Variants in TNRC18 observed in about 807,000 individuals in gnomAD.
TNRC18 encodes the protein trinucleotide repeat-containing gene 18 protein.
In TNRC18, 69 loss-of-function variants were observed where a neutral mutation model predicts 226.7. That is an observed-to-expected ratio of 0.30 (90% confidence interval 0.25 to 0.37). The LOEUF (loss-of-function observed/expected upper bound fraction) is 0.37. Among genes scored for constraint, TNRC18 ranks in the 10% least tolerant of loss-of-function variants. TNRC18 has a pLI of 1.00. For missense variants in TNRC18, 4,754 were observed against 4,256.6 expected, an observed-to-expected ratio of 1.12 and a Z score of -3.25; for synonymous variants, 2,449 against 1,927.6, an observed-to-expected ratio of 1.27 and a Z score of -7.09.
chr7:5,315,160 A>G lies in TNRC18; in HGVS notation c.6863-12T>C. 1 of 1,609,598 alleles carries G rather than the reference A, an allele frequency of 6.2e-7. No individual in the cohort carries two copies. The highest frequency in any genetic ancestry group is 8.5e-7 in the Non-Finnish European group (1 of 1,178,442). On this transcript the variant is annotated splice_polypyrimidine_tract_variant and intron_variant, in intron 25 of 29. Transcript: ENST00000430969. ...GGACGGCTCAGCACCTGTGGGGCAG[A>G]GGACAGAGTGGCTCATCAGGCCTGG...
At chr7:5,406,893 G>A (rs374467418) in intron 2 of TNRC18, among the ~76,000 whole-genome samples, 1 of 151,624 alleles carries the variant, frequency 6.6e-6, no homozygotes. Context: ...GAAAAGAAAA[G>A]AAGAGCCAAG....
chr7:5,361,016 G>A (rs571701018), intron 14 of TNRC18, among the ~76,000 whole-genome samples: 138 of 152,174 alleles, frequency 9.1e-4, no homozygotes, highest in Non-Finnish European at 1.6e-3. Context: ...GACACCGAGG[G>A]AAGGACGAAG....
rs762681518 is a variant in TNRC18 at position 5,377,445 on chromosome 7, G to A, written c.2387C>T (p.Ala796Val). ...AGSGRWSADP[A>V]AHLATHPWLP... Reference sequence around the variant, plus strand: ...CCAGGGGTGCGTGGCCAGATGGGCTGCGGGGTCGGCAGACCAGCGACCTGA... The same window carrying A: ...CCAGGGGTGCGTGGCCAGATGGGCTACGGGGTCGGCAGACCAGCGACCTGA... Residue 796 changes from alanine to valine, a missense_variant, in exon 7 of 30, where the codon GCA becomes GTA. Ala to Val is a moderately conservative substitution (Grantham distance 64). Coordinates refer to ENST00000430969, the MANE Select transcript of TNRC18 (RefSeq NM_001080495.3). The surrounding 1 kb of genome is among the most constrained non-coding windows in gnomAD (Gnocchi z 5.8). 8 of 1,588,058 alleles carry A rather than the reference G, an allele frequency of 5.0e-6. No individual in the cohort carries two copies. Among genetic ancestry groups the A allele is most frequent in the South Asian group, 3.4e-5 (3 of 87,336 alleles).
At chr7:5,318,622 G>A (rs1469621536) in intron 24 of TNRC18, among the ~76,000 whole-genome samples, 3 of 149,496 alleles carry the variant, frequency 2.0e-5, no homozygotes, top group Non-Finnish European at 3.0e-5. Context: ...ACACACACAC[G>A]GAATTCCAGA....
In TNRC18 at chr7:5,361,459, G is replaced by T. The variant is rs1793039827; in HGVS notation, c.4661+135C>A. The T allele has an allele frequency of 4.5e-6, 5 of 1,112,284 alleles. No individual in the cohort carries two copies. In the South Asian group the frequency reaches 8.8e-5, roughly 20 times the overall value. 68.9% of individuals were successfully genotyped at this position (1,112,284 alleles called of 1,614,324 possible). On this transcript the variant is annotated intron_variant, in intron 14 of 29. Coordinates refer to ENST00000430969, the MANE Select transcript of TNRC18 (RefSeq NM_001080495.3). ...GGCAGCACAGGCCGTGCTCCCCGAG[G>T]GCCACTGCTGCGGGTAGGTCAGAGC...
At chr7:5,379,246 C>T (rs1179029954) in intron 5 of TNRC18, among the ~76,000 whole-genome samples, 1 of 151,552 alleles carries the variant, frequency 6.6e-6, no homozygotes, top group African/African-American at 2.4e-5. Flanking sequence ...AAAAATTAGG[C>T]GGGCATGGTG....
intron 19 of TNRC18, among the ~76,000 whole-genome samples, chr7:5,327,874 C>T (rs1304344100): frequency 6.6e-6 from 1 of 152,204 alleles, no homozygotes; most frequent in Non-Finnish European, 1.5e-5. Context: ...CACCAACCGC[C>T]AGCAGGGTCA....
chr7:5,378,738 G>A (rs1295722537), intron 5 of TNRC18, among the ~76,000 whole-genome samples: 2 of 152,050 alleles, frequency 1.3e-5, no homozygotes, highest in Non-Finnish European at 2.9e-5. Flanking sequence ...TTTTAATGAC[G>A]GGAAGGCAGA....
At chr7:5,308,565 G>A (rs770535553) in intron 29 of TNRC18, among the ~76,000 whole-genome samples, 12 of 152,306 alleles carry the variant, frequency 7.9e-5, no homozygotes, top group Middle Eastern at 3.4e-3. Context: ...GACCGAGATC[G>A]AGAGAGACCC....
intron 5 of TNRC18, among the ~76,000 whole-genome samples, chr7:5,381,703 C>T (rs867553226): frequency 6.6e-6 from 1 of 152,142 alleles, no homozygotes; most frequent in East Asian, 1.9e-4. Flanking sequence ...CAGTGACTCA[C>T]GCCTGTAATC....
In TNRC18 at chr7:5,357,079, C is replaced by T; in HGVS notation, c.5031G>A (p.Arg1677=). The T allele has an allele frequency of 6.4e-7, 1 of 1,552,168 alleles. No individual in the cohort carries two copies. Among genetic ancestry groups the T allele is most frequent in the South Asian group, 1.2e-5 (1 of 84,070 alleles). ...TPYDSLLGKN[R]KALAKGLGLS... is the part of the protein sequence containing the mutation. ...GGCCGAGGCCCTTGGCCAGCGCCTT[C>T]CTGTTCTTCCCCAGCAGGCTGTCGT... The change falls in exon 16 of 30, where the codon AGG becomes AGA. Residue 1677 remains arginine (R), a synonymous_variant. Coordinates refer to ENST00000430969, the MANE Select transcript of TNRC18 (RefSeq NM_001080495.3).
chr7:5,309,092 C>T lies in TNRC18; in HGVS notation c.8625+40G>A, dbSNP rs569283789. 1.2e-5 allele frequency: 19 copies of T among 1,554,734 alleles called. No individual in the cohort carries two copies. In the East Asian group the frequency reaches 4.3e-4, roughly 35 times the overall value. ...GCCTCGCCCTCAGGTCTGCCCTACA[C>T]CGCCTAGGACTGGGGGCCGCAGCCG... On this transcript the variant is annotated intron_variant, in intron 28 of 29. Coordinates refer to ENST00000430969, the MANE Select transcript of TNRC18 (RefSeq NM_001080495.3). This position sits in a 1 kb window ranked among gnomAD's most constrained non-coding sequence, Gnocchi z 5.7.
At position 5,345,587 on chromosome 7, in the gene TNRC18, C is replaced by T. The variant is rs1791100985; in HGVS notation, c.5694G>A (p.Lys1898=). The change falls in exon 18 of 30, where the codon AAG becomes AAA. Residue 1898 remains lysine (K), a synonymous_variant. Transcript: ENST00000430969. ...VQLEAKQKAR[K]KEERQSLLGT... ...CCAGCAGGCTCTGCCGCTCCTCTTT[C>T]TTCCGGGCCTTCTGCTTGGCCTCCA... 6.8e-7 allele frequency: 1 copy of T among 1,464,344 alleles called. No individual in the cohort carries two copies. The highest frequency in any genetic ancestry group is 9.1e-7 in the Non-Finnish European group (1 of 1,094,354). 90.7% of individuals were successfully genotyped at this position (1,464,344 alleles called of 1,614,324 possible). A position where few individuals can be genotyped will look rare whatever the true frequency, so the allele number is the denominator to read the frequency against.
Position 5,394,969 on chromosome 7 carries a change from ACTGGGACTTCCAGAGGC to A in TNRC18, c.188-391_188-375del, listed in dbSNP as rs1250143481. 6.6e-6 allele frequency among the ~76,000 whole-genome samples: 1 copy of A among 152,142 alleles called. No individual in the cohort carries two copies. Among genetic ancestry groups the A allele is most frequent in the Non-Finnish European group, 1.5e-5 (1 of 68,028 alleles). Reference sequence around the variant, plus strand: ...GGTGGAATCCTGAAGTCGGTGGCGCACTGGGACTTCCAGAGGCCACAGGGCAAGGCGGTGGGGGACTT... The same window carrying A: ...GGTGGAATCCTGAAGTCGGTGGCGCACACAGGGCAAGGCGGTGGGGGACTT... On this transcript the variant is annotated intron_variant, in intron 2 of 29. Transcript: ENST00000430969. This position sits in a 1 kb window ranked among gnomAD's most constrained non-coding sequence, Gnocchi z 4.5.
In TNRC18 at chr7:5,366,094, C is replaced by T. The variant is rs138845035; in HGVS notation, c.4220-3269G>A. On this transcript the variant is annotated intron_variant, in intron 11 of 29. Transcript: ENST00000430969. ...GACTAATGATGCTGCTGAGGGGGAG[C>T]TTCTCTTCCTTGGCACTATTCACAT... Among the ~76,000 whole-genome samples, 1,182 of 152,054 alleles carry T rather than the reference C, an allele frequency of 7.8e-3. 24 individuals carry two copies. The highest frequency in any genetic ancestry group is 6.9e-3 in the Non-Finnish European group (466 of 67,990).
intron 18 of TNRC18, among the ~76,000 whole-genome samples, chr7:5,342,414 G>T (rs1299752001): frequency 6.6e-6 from 1 of 150,720 alleles, no homozygotes; most frequent in Non-Finnish European, 1.5e-5. Flanking sequence ...GGGCGACACA[G>T]CGAGACTCAG....
chr7:5,361,465 T>C, intron 14 of TNRC18, 129 bp downstream of exon 14: 1 of 1,185,332 alleles, frequency 8.4e-7, no homozygotes, highest in Non-Finnish European at 1.1e-6. Context: ...CGAGGGCCAC[T>C]GCTGCGGGTA....
chr7:5,323,763 T>G (rs772490022), intron 21 of TNRC18, among the ~76,000 whole-genome samples: 4 of 152,014 alleles, frequency 2.6e-5, no homozygotes, highest in Non-Finnish European at 5.9e-5. Flanking sequence ...AATCAGGGTT[T>G]CACCATGTTG....
intron 5 of TNRC18, among the ~76,000 whole-genome samples, chr7:5,385,804 T>A (rs535042791): frequency 3.4e-5 from 5 of 147,414 alleles, no homozygotes. Flanking sequence ...TGAAACCTTG[T>A]CTCTACTAAA....
Sources: gnomAD v4.1 joint callset for allele counts (sites outside exome capture counted in the v4.1 genomes callset) on GRCh38, gnomAD v4.1.1 for gene constraint, Gnocchi (gnomAD v3.1) non-coding constraint, MANE v1.5 for transcripts, NCBI Gene and HGNC (gene_info 2026-07-23, HGNC 2026-07-21) for gene names.